The following CNTNAP2 variants were observed in gnomAD, a reference collection of about 807,000 sequenced individuals.
CNTNAP2 encodes contactin associated protein 2.
In CNTNAP2, 98 loss-of-function variants were observed where a neutral mutation model predicts 155.2. The observed-to-expected ratio is 0.63, with a 90% CI of 0.54 to 0.75. CNTNAP2 has a LOEUF of 0.75. Ranked by LOEUF, CNTNAP2 falls within the 30% of genes least tolerant of loss-of-function variation. The probability of loss-of-function intolerance (pLI) is 0.00; values close to 1 mark genes in which losing one functional copy is unlikely to be tolerated. For synonymous variants in CNTNAP2, 651 were observed against 631.2 expected (o/e 1.03, Z -0.47); for missense variants, 1,727 against 1,688.1 (o/e 1.02, Z -0.40).
At chr7:147,966,843 A>C (rs2708284) in intron 14 of CNTNAP2, among the ~76,000 whole-genome samples, 56,231 of 152,040 alleles carry the variant, frequency 0.37, 12,206 homozygotes, top group Middle Eastern at 0.63. Context: ...CATCAAGGCA[A>C]GAGTGAGGAG....
chr7:148,024,173 A>AAAAAAAAAAAAAAAC lies in CNTNAP2; in HGVS notation c.2383+46190_2383+46191insAAAAAAAACAAAAAA, dbSNP rs796940228. Among the ~76,000 whole-genome samples the AAAAAAAAAAAAAAAC allele has an allele frequency of 2.7e-5, 4 of 147,888 alleles. No homozygotes were observed. The East Asian group carries it at 6.8e-4, about 25-fold the overall frequency. ...TTTAAAGTGTAAAAAAAAAAAAAAA[A>AAAAAAAAAAAAAAAC]AAAAAACTTTATAACATCCTGAGAA... On this transcript the variant is annotated intron_variant, in intron 15 of 23. Transcript: ENST00000361727.
At chr7:147,225,451 T>A (rs1803499416) in intron 8 of CNTNAP2, among the ~76,000 whole-genome samples, 1 of 152,152 alleles carries the variant, frequency 6.6e-6, no homozygotes, top group Admixed American at 6.5e-5. Context: ...GGATAAATGT[T>A]ATCCCACCTA....
chr7:148,348,594 A>T (rs1798365764), intron 21 of CNTNAP2, among the ~76,000 whole-genome samples: 1 of 152,194 alleles, frequency 6.6e-6, no homozygotes, highest in Non-Finnish European at 1.5e-5. Flanking sequence ...CTTGAAGAAT[A>T]TCATAGGTGA....
intron 12 of CNTNAP2, among the ~76,000 whole-genome samples, chr7:147,582,716 T>C (rs114727811): frequency 6.6e-6 from 1 of 152,172 alleles, no homozygotes; most frequent in East Asian, 1.9e-4. Context: ...TCTTATTAAT[T>C]GTGTCAGCTT....
chr7:148,331,874 A>G (rs1472915255), intron 21 of CNTNAP2, among the ~76,000 whole-genome samples: 2 of 146,594 alleles, frequency 1.4e-5, no homozygotes, highest in Non-Finnish European at 3.0e-5. Flanking sequence ...TGCCCTGCAC[A>G]TGATCACGTT....
At chr7:147,071,393 G>A (rs1468490416) in intron 4 of CNTNAP2, among the ~76,000 whole-genome samples, 1 of 150,546 alleles carries the variant, frequency 6.6e-6, no homozygotes, top group Non-Finnish European at 1.5e-5. Context: ...GGACTGCCCC[G>A]TGCATCTTTC....
chr7:147,360,075 C>T (rs949722820), intron 9 of CNTNAP2, among the ~76,000 whole-genome samples: 8 of 151,974 alleles, frequency 5.3e-5, no homozygotes, highest in Non-Finnish European at 1.0e-4. Context: ...TGTTTCTTTC[C>T]AAAACTCCTA....
chr7:147,071,210 A>C (rs1401074552), intron 4 of CNTNAP2, among the ~76,000 whole-genome samples: 1 of 152,110 alleles, frequency 6.6e-6, no homozygotes, highest in South Asian at 2.1e-4. Context: ...AATTTTCTCC[A>C]TAACAGAAAT....
At chr7:147,205,632 A>G (rs1257950932) in intron 8 of CNTNAP2, among the ~76,000 whole-genome samples, 2 of 152,072 alleles carry the variant, frequency 1.3e-5, no homozygotes, top group Non-Finnish European at 2.9e-5. Flanking sequence ...GGCAGACAGA[A>G]AAAGATAAAG....
Position 146,682,848 on chromosome 7 carries a change from A to G in CNTNAP2, c.98-91423A>G, listed in dbSNP as rs537996281. ...GACCTTCTTTTGTACCCAATGTATT[A>G]TAATCTGAGCTAGATGTGTTCCATG... On this transcript the variant is annotated intron_variant, in intron 1 of 23. Coordinates refer to ENST00000361727, the MANE Select transcript of CNTNAP2 (RefSeq NM_014141.6). 3.9e-5 allele frequency among the ~76,000 whole-genome samples: 6 copies of G among 152,338 alleles called. No individual in the cohort carries two copies. In the East Asian group the frequency reaches 1.2e-3, roughly 29 times the overall value.
At chr7:147,895,228 C>T (rs1001279849) in intron 13 of CNTNAP2, among the ~76,000 whole-genome samples, 1 of 151,968 alleles carries the variant, frequency 6.6e-6, no homozygotes, top group African/African-American at 2.4e-5. Context: ...CCCACCTCGG[C>T]CTCCTAAAGT....
At chr7:146,197,892 C>T (rs141019679) in intron 1 of CNTNAP2, among the ~76,000 whole-genome samples, 1,584 of 152,190 alleles carry the variant, frequency 0.01, 17 homozygotes, top group Middle Eastern at 0.041. Context: ...GTTTAATTGA[C>T]TCACAGTTCT....
intron 14 of CNTNAP2, among the ~76,000 whole-genome samples, chr7:147,929,212 G>T (rs906458670): frequency 2.7e-5 from 4 of 147,150 alleles, no homozygotes; most frequent in Non-Finnish European, 4.5e-5. Flanking sequence ...CAGTCAAATT[G>T]TGATGACCAG....
At chr7:148,331,718 GATGGATTGGATGGATGGAGTGGATGGA>G (rs1798022586) in intron 21 of CNTNAP2, among the ~76,000 whole-genome samples, 6 of 150,422 alleles carry the variant, frequency 4.0e-5, no homozygotes, top group South Asian at 2.1e-4. Flanking sequence ...GGAGTGGACG[GATGGATTGGATGGATGGAGTGGATGGA>G]TGGAACGGAC....
intron 1 of CNTNAP2, among the ~76,000 whole-genome samples, chr7:146,615,945 T>A (rs1259206878): frequency 6.6e-6 from 1 of 152,196 alleles, no homozygotes; most frequent in Admixed American, 6.5e-5. Context: ...ATATTAATAC[T>A]CACGTATTTG....
At chr7:146,796,869 G>T (rs541807134) in intron 2 of CNTNAP2, among the ~76,000 whole-genome samples, 2 of 152,222 alleles carry the variant, frequency 1.3e-5, no homozygotes, top group South Asian at 4.1e-4. Flanking sequence ...GGGCGCGGTG[G>T]CTCACACCTG....
intron 1 of CNTNAP2, among the ~76,000 whole-genome samples, chr7:146,481,621 G>C (rs1158078640): frequency 6.6e-6 from 1 of 152,126 alleles, no homozygotes; most frequent in East Asian, 1.9e-4. Flanking sequence ...CCTATTGAAA[G>C]GTTGAAGGCT....
chr7:148,112,436 T>TTATTATTAC (rs1261789823), intron 15 of CNTNAP2, among the ~76,000 whole-genome samples: 1 of 151,312 alleles, frequency 6.6e-6, no homozygotes, highest in Admixed American at 6.6e-5. Context: ...ATTATTATTA[T>TTATTATTAC]TATTATTATA....
intron 8 of CNTNAP2, among the ~76,000 whole-genome samples, chr7:147,245,761 CAAAAAA>C (rs34304342): frequency 8.2e-5 from 7 of 85,240 alleles, no homozygotes; most frequent in South Asian, 5.1e-4. Context: ...GACTCTGTCT[CAAAAAA>C]AAAAAAAAAA....
Sources: allele counts gnomAD v4.1 joint callset (sites outside exome capture counted in the v4.1 genomes callset), GRCh38; gene constraint gnomAD v4.1.1; transcripts MANE v1.5; gene names NCBI Gene and HGNC (gene_info 2026-07-23, HGNC 2026-07-21).